MAP2K5: variants seen among roughly 807,000 people sequenced by gnomAD.
MAP2K5 encodes the protein dual specificity mitogen-activated protein kinase kinase 5.
A neutral mutation model predicts 83.1 loss-of-function variants in MAP2K5; 49 were observed. That is an observed-to-expected ratio of 0.59 (90% confidence interval 0.47 to 0.75). The LOEUF is 0.75. MAP2K5 is among the 30% of genes least tolerant of loss of function. The pLI is 0.00. For missense variants in MAP2K5, 457 were observed against 557.5 expected, an observed-to-expected ratio of 0.82 and a Z score of 1.82; for synonymous variants, 202 against 191.8, an observed-to-expected ratio of 1.05 and a Z score of -0.44.
chr15:67,664,081 C>T (rs2141152644), intron 12 of MAP2K5, among the ~76,000 whole-genome samples: 1 of 152,102 alleles, frequency 6.6e-6, no homozygotes, highest in South Asian at 2.1e-4. Context: ...ACCTTATCTT[C>T]AGAAGATTAT....
intron 9 of MAP2K5, chr15:67,642,356 G>C (rs2086732851): frequency 7.3e-7 from 1 of 1,367,460 alleles, no homozygotes; most frequent in Non-Finnish European, 1.0e-6. Flanking sequence ...AAATGTACAA[G>C]ACTCAGCCCT....
chr15:67,806,779 ACCAGTAAC>A lies in MAP2K5; in HGVS notation c.*31_*38del. ...TGCCGCAGGGCACTGAAAGCCCAGG[ACCAGTAAC>A]CAAGGAGAACAACCCACCCGTCGCC... On this transcript the variant is annotated 3_prime_UTR_variant, in exon 22 of 22. Transcript: ENST00000178640. 4 of 1,585,024 alleles carry A rather than the reference ACCAGTAAC, an allele frequency of 2.5e-6. No individual in the cohort carries two copies. The highest frequency in any genetic ancestry group is 3.4e-6 in the Non-Finnish European group (4 of 1,171,060).
At position 67,562,306 on chromosome 15, in the gene MAP2K5, T is replaced by C. The variant is rs2084753546; in HGVS notation, c.185-977T>C. The stretch of plus-strand genomic sequence containing the variant: ...AATAGCCATAAGTCATTCTTAGACA[T>C]GCTTGGCAGATGATGTGGGTAAGTG... On this transcript the variant is annotated intron_variant, in intron 2 of 21. Coordinates refer to ENST00000178640, the MANE Select transcript of MAP2K5 (RefSeq NM_145160.3). The surrounding 1 kb of genome is among the most constrained non-coding windows in gnomAD (Gnocchi z 4.1). Among the ~76,000 whole-genome samples the C allele has an allele frequency of 6.6e-6, 1 of 152,354 alleles. No homozygotes were observed. Among genetic ancestry groups the C allele is most frequent in the African/African-American group, 2.4e-5 (1 of 41,586 alleles).
chr15:67,682,221 TA>T lies in MAP2K5; in HGVS notation c.848-10257del, dbSNP rs556263154. On this transcript the variant is annotated intron_variant, in intron 13 of 21. Coordinates refer to ENST00000178640, the MANE Select transcript of MAP2K5 (RefSeq NM_145160.3). ...CAAATCATTTCAGTGTTTCTAGAGC[TA>T]TTTTTTTTTTTTTAAGATAGAGTCT... Among the ~76,000 whole-genome samples the T allele has an allele frequency of 3.7e-3, 562 of 151,566 alleles. 4 individuals are homozygous for T. Among genetic ancestry groups the T allele is most frequent in the African/African-American group, 0.013 (531 of 41,314 alleles).
chr15:67,675,507 T>A (rs578010222), intron 13 of MAP2K5, among the ~76,000 whole-genome samples: 50 of 152,308 alleles, frequency 3.3e-4, no homozygotes, highest in African/African-American at 1.2e-3. Context: ...ATGGAAATGT[T>A]CTCCATCTTG....
intron 6 of MAP2K5, among the ~76,000 whole-genome samples, chr15:67,590,841 A>G (rs971450983): frequency 1.3e-5 from 2 of 152,116 alleles, no homozygotes; most frequent in Non-Finnish European, 2.9e-5. Flanking sequence ...CAGAGCAGCG[A>G]CCACCATTTA....
rs184453869 is a variant in MAP2K5, at chr15:67,610,805, A to T, written c.545+10056A>T. On this transcript the variant is annotated intron_variant, in intron 8 of 21. Transcript: ENST00000178640. ...TGGGTATTAAGCATTAAATTTTTTT[A>T]AAAAAACATTAATTTGCTTTTTAAA... 5.6e-4 allele frequency among the ~76,000 whole-genome samples: 86 copies of T among 152,274 alleles called. No individual in the cohort carries two copies. In the East Asian group the frequency reaches 0.013, roughly 24 times the overall value.
chr15:67,629,801 ATTT>A (rs2086423517), intron 8 of MAP2K5, among the ~76,000 whole-genome samples: 1 of 152,118 alleles, frequency 6.6e-6, no homozygotes, highest in Non-Finnish European at 1.5e-5. Context: ...TTATATTAAT[ATTT>A]TTATGGGCTT....
At position 67,555,462 on chromosome 15, in the gene MAP2K5, T is replaced by C. The variant is rs2084606275; in HGVS notation, c.184+5380T>C. On this transcript the variant is annotated intron_variant, in intron 2 of 21. Coordinates refer to ENST00000178640, the MANE Select transcript of MAP2K5 (RefSeq NM_145160.3). The surrounding 1 kb of genome is among the most constrained non-coding windows in gnomAD (Gnocchi z 5.2). ...GGGATCACTTTGGAGGGGACAAATA[T>C]TCAAACCATATCATTGTGGAAATAA... Among the ~76,000 whole-genome samples the C allele has an allele frequency of 7.2e-6, 1 of 139,508 alleles. No homozygotes were observed. The allele number at this position is 139,508 out of a possible 152,430, so 91.5% of individuals were successfully genotyped here.
In MAP2K5 at chr15:67,561,361, C is replaced by G. The variant is rs1271695117; in HGVS notation, c.185-1922C>G. On this transcript the variant is annotated intron_variant, in intron 2 of 21. Coordinates refer to ENST00000178640, the MANE Select transcript of MAP2K5 (RefSeq NM_145160.3). The surrounding 1 kb of genome is among the most constrained non-coding windows in gnomAD (Gnocchi z 4.2). The stretch of plus-strand genomic sequence containing the variant: ...ATAGACAGACTCCTTTCTTCTCTCT[C>G]TACAGCTGGAATGGCATTTCTCCCC... Among the ~76,000 whole-genome samples, 1 of 152,186 alleles carries G rather than the reference C, an allele frequency of 6.6e-6. No homozygotes were observed.
At chr15:67,754,063 A>G (rs955333272) in intron 19 of MAP2K5, among the ~76,000 whole-genome samples, 1 of 152,218 alleles carries the variant, frequency 6.6e-6, no homozygotes, top group Non-Finnish European at 1.5e-5. Context: ...AAAGCCACAT[A>G]TTCTATGAAA....
chr15:67,592,732 G>T lies in MAP2K5; in HGVS notation c.432-194G>T, dbSNP rs182976288. On this transcript the variant is annotated intron_variant, in intron 6 of 21. Coordinates refer to ENST00000178640, the MANE Select transcript of MAP2K5 (RefSeq NM_145160.3). ...TCTTTATTGCTTTTGATTACTAACA[G>T]GGTTTTAGTCTCTTTATTTGATACC... Among the ~76,000 whole-genome samples the T allele has an allele frequency of 5.3e-5, 8 of 152,236 alleles. No homozygotes were observed. In the East Asian group the frequency reaches 1.5e-3, roughly 29 times the overall value.
intron 2 of MAP2K5, among the ~76,000 whole-genome samples, chr15:67,553,570 C>G (rs2084555825): frequency 6.6e-6 from 1 of 152,038 alleles, no homozygotes; most frequent in African/African-American, 2.4e-5. Flanking sequence ...TTTGTGGTGA[C>G]TTTTTTTTCT....
At chr15:67,556,400 T>C (rs117701477) in intron 2 of MAP2K5, among the ~76,000 whole-genome samples, 2,361 of 152,242 alleles carry the variant, frequency 0.016, 22 homozygotes, top group Non-Finnish European at 0.026. Flanking sequence ...GAAACATTCA[T>C]TGATATTCTT....
chr15:67,787,799 C>T (rs1257531157), intron 21 of MAP2K5, among the ~76,000 whole-genome samples: 1 of 152,186 alleles, frequency 6.6e-6, no homozygotes, highest in Non-Finnish European at 1.5e-5. Flanking sequence ...AAATCTAAAT[C>T]ACATGTTGAC....
intron 13 of MAP2K5, among the ~76,000 whole-genome samples, chr15:67,686,274 A>C (rs974531022): frequency 6.6e-6 from 1 of 152,132 alleles, no homozygotes; most frequent in Non-Finnish European, 1.5e-5. Context: ...ATAATGACAG[A>C]TATATCATCC....
chr15:67,584,615 G>T (rs989082463), intron 4 of MAP2K5, among the ~76,000 whole-genome samples: 6 of 149,736 alleles, frequency 4.0e-5, no homozygotes, highest in Non-Finnish European at 7.4e-5. Flanking sequence ...GAGTATATTT[G>T]GAATATACAA....
chr15:67,785,048 T>G lies in MAP2K5; in HGVS notation c.1242+12296T>G, dbSNP rs2141323247. ...TCAATCTCCCAGGCTCAGGTGATCC[T>G]CCTACCTCAGCACCCGCCCTTCCTT... On this transcript the variant is annotated intron_variant, in intron 21 of 21. Coordinates refer to ENST00000178640, the MANE Select transcript of MAP2K5 (RefSeq NM_145160.3). The surrounding 1 kb of genome is among the most constrained non-coding windows in gnomAD (Gnocchi z 4.4). Among the ~76,000 whole-genome samples, 1 of 152,284 alleles carries G rather than the reference T, an allele frequency of 6.6e-6. No individual in the cohort carries two copies. Among genetic ancestry groups the G allele is most frequent in the Middle Eastern group, 3.4e-3 (1 of 294 alleles).
intron 12 of MAP2K5, among the ~76,000 whole-genome samples, chr15:67,661,834 A>G (rs533361922): frequency 1.4e-4 from 22 of 152,106 alleles, no homozygotes; most frequent in Non-Finnish European, 2.8e-4. Context: ...CTTCCTCAGA[A>G]TGGAGATGAT....
Sources: gnomAD v4.1 joint callset for allele counts (sites outside exome capture counted in the v4.1 genomes callset) on GRCh38, gnomAD v4.1.1 for gene constraint, Gnocchi (gnomAD v3.1) non-coding constraint, MANE v1.5 for transcripts, NCBI Gene and HGNC (gene_info 2026-07-23, HGNC 2026-07-21) for gene names.